The following KCNAB1 variants were observed in gnomAD, a reference collection of about 807,000 sequenced individuals.
KCNAB1 encodes the protein potassium voltage-gated channel subfamily A regulatory beta subunit 1, also known as voltage-gated potassium channel subunit beta-1.
KCNAB1 carries 35 observed loss-of-function variants against 64.6 expected under a neutral mutation model. The ratio of observed to expected loss-of-function variants is 0.54; its 90% confidence interval spans 0.41 to 0.72. The LOEUF is 0.72. Among genes scored for constraint, KCNAB1 ranks in the 30% least tolerant of loss-of-function variants. The probability of loss-of-function intolerance (pLI) is 0.00; values close to 1 mark genes in which losing one functional copy is unlikely to be tolerated. For synonymous variants in KCNAB1, 177 were observed against 183.8 expected (o/e 0.96, Z 0.30); for missense variants, 401 against 512.9 (o/e 0.78, Z 2.11).
Position 156,498,385 on chromosome 3 carries a change from CTT to C in KCNAB1, c.659-15978_659-15977del, listed in dbSNP as rs534115352. Among the ~76,000 whole-genome samples the C allele has an allele frequency of 3.3e-5, 5 of 152,228 alleles. No homozygotes were observed. The South Asian group carries it at 1.0e-3, about 32-fold the overall frequency. On this transcript the variant is annotated intron_variant, in intron 8 of 13. Coordinates refer to ENST00000490337, the MANE Select transcript of KCNAB1 (RefSeq NM_172160.3). ...GTGGGAGGAACCTGGTGGGAGGTGA[CTT>C]AATATGAGGCAGGTCTTTCCTGTGC...
chr3:156,217,464 C>T (rs765556796), intron 1 of KCNAB1, among the ~76,000 whole-genome samples: 2 of 152,170 alleles, frequency 1.3e-5, no homozygotes, highest in African/African-American at 4.8e-5. Flanking sequence ...TTCTTAAGAC[C>T]TGAGTAAAAA....
At chr3:156,188,566 A>T (rs545659085) in intron 1 of KCNAB1, among the ~76,000 whole-genome samples, 6 of 152,358 alleles carry the variant, frequency 3.9e-5, no homozygotes, top group African/African-American at 1.2e-4. Flanking sequence ...AAAGTCCTTC[A>T]TAATCCTGTC....
At chr3:156,535,609 T>C (rs73875710) in intron 13 of KCNAB1, among the ~76,000 whole-genome samples, 3,369 of 152,182 alleles carry the variant, frequency 0.022, 128 homozygotes, top group African/African-American at 0.076. Context: ...CATCCTATTC[T>C]CTCCCAACTT....
chr3:156,316,805 C>T (rs955086088), intron 1 of KCNAB1, among the ~76,000 whole-genome samples: 1 of 152,166 alleles, frequency 6.6e-6, no homozygotes, highest in African/African-American at 2.4e-5. Flanking sequence ...TCATCTTACT[C>T]TGGGAACCTG....
intron 2 of KCNAB1, among the ~76,000 whole-genome samples, chr3:156,450,872 C>T (rs537107442): frequency 7.1e-6 from 1 of 140,710 alleles, no homozygotes; most frequent in Non-Finnish European, 1.5e-5. Context: ...CACCCCCCCC[C>T]AAAAAAAAGT....
At chr3:156,514,640 A>G (rs868344041) in intron 9 of KCNAB1, among the ~76,000 whole-genome samples, 191 bp downstream of exon 9, 1 of 152,236 alleles carries the variant, frequency 6.6e-6, no homozygotes, top group African/African-American at 2.4e-5. Context: ...ACAACAGAGA[A>G]TACAGTGTTC....
chr3:156,423,436 T>C (rs938736772), intron 2 of KCNAB1, among the ~76,000 whole-genome samples: 3 of 152,072 alleles, frequency 2.0e-5, no homozygotes, highest in Non-Finnish European at 4.4e-5. Context: ...TTTGTCAAAG[T>C]TCTCTTCTAT....
intron 1 of KCNAB1, among the ~76,000 whole-genome samples, chr3:156,201,482 AT>A (rs899452590): frequency 3.4e-4 from 51 of 152,192 alleles, no homozygotes; most frequent in African/African-American, 1.2e-3. Flanking sequence ...CTCAAAGTTC[AT>A]AGTTTAGGGT....
chr3:156,304,692 C>A (rs138310491), intron 1 of KCNAB1, among the ~76,000 whole-genome samples: 2,236 of 152,220 alleles, frequency 0.015, 24 homozygotes, highest in Non-Finnish European at 0.018. Flanking sequence ...TGTGGTGGTA[C>A]AAAGAACATG....
At chr3:156,442,932 G>T (rs536898981) in intron 2 of KCNAB1, among the ~76,000 whole-genome samples, 39 of 152,308 alleles carry the variant, frequency 2.6e-4, no homozygotes, top group South Asian at 8.3e-4. Flanking sequence ...TCTCAGGTGG[G>T]ACTGAGAGAA....
intron 1 of KCNAB1, among the ~76,000 whole-genome samples, chr3:156,376,047 T>C (rs1711629739): frequency 6.6e-6 from 1 of 152,262 alleles, no homozygotes; most frequent in Non-Finnish European, 1.5e-5. Context: ...CTTGAACTCC[T>C]GACCTCAAGC....
At chr3:156,420,948 C>T (rs867086947) in intron 1 of KCNAB1, among the ~76,000 whole-genome samples, 29 of 149,806 alleles carry the variant, frequency 1.9e-4, no homozygotes, top group South Asian at 1.7e-3. Context: ...AATATATATA[C>T]ACACACACAC....
chr3:156,174,665 C>T (rs1184641189), intron 1 of KCNAB1, among the ~76,000 whole-genome samples: 2 of 152,138 alleles, frequency 1.3e-5, no homozygotes, highest in Non-Finnish European at 2.9e-5. Context: ...TTATCCCATA[C>T]ATCAGTGTGC....
intron 1 of KCNAB1, among the ~76,000 whole-genome samples, chr3:156,194,405 C>G (rs929745792): frequency 6.6e-6 from 1 of 152,086 alleles, no homozygotes; most frequent in Non-Finnish European, 1.5e-5. Flanking sequence ...CCACTATTTT[C>G]TGGCTTACAT....
intron 1 of KCNAB1, among the ~76,000 whole-genome samples, chr3:156,198,855 T>A (rs146316272): frequency 0.017 from 2,509 of 151,364 alleles, 46 homozygotes; most frequent in South Asian, 0.029. Context: ...TGCTAGCTGG[T>A]TATTTTGCAT....
intron 1 of KCNAB1, among the ~76,000 whole-genome samples, chr3:156,375,449 G>A (rs1711585841): frequency 7.4e-6 from 1 of 135,190 alleles, no homozygotes; most frequent in Non-Finnish European, 1.5e-5. Context: ...AAGGGGCAGA[G>A]AATAGACCAG....
intron 1 of KCNAB1, among the ~76,000 whole-genome samples, chr3:156,263,177 CT>C: frequency 1.3e-5 from 2 of 151,928 alleles, no homozygotes; most frequent in African/African-American, 4.8e-5. Context: ...ATTTTGTTTA[CT>C]TTTCACTTTC....
At chr3:156,370,482 G>A (rs1264240880) in intron 1 of KCNAB1, among the ~76,000 whole-genome samples, 2 of 152,206 alleles carry the variant, frequency 1.3e-5, no homozygotes, top group East Asian at 3.8e-4. Context: ...ATAAAATTAA[G>A]CCTTCAGAGA....
intron 1 of KCNAB1, among the ~76,000 whole-genome samples, chr3:156,330,530 A>G (rs1723263548): frequency 6.6e-6 from 1 of 152,170 alleles, no homozygotes; most frequent in Admixed American, 6.5e-5. Flanking sequence ...TCCACTTTGA[A>G]TCATTTCTTC....
Sources: gnomAD v4.1 joint callset for allele counts (sites outside exome capture counted in the v4.1 genomes callset) on GRCh38, gnomAD v4.1.1 for gene constraint, MANE v1.5 for transcripts, NCBI Gene and HGNC (gene_info 2026-07-23, HGNC 2026-07-21) for gene names.